Variants in DCLK1 observed in about 807,000 individuals in gnomAD.
DCLK1 encodes doublecortin like kinase 1.
Under a neutral mutation model 86.2 loss-of-function variants are expected in DCLK1, and 16 were observed. The ratio of observed to expected loss-of-function variants is 0.19; its 90% CI spans 0.13 to 0.28. DCLK1 has a LOEUF of 0.28. DCLK1 is among the 10% of genes least tolerant of loss of function. The pLI, the probability that DCLK1 is intolerant of heterozygous loss-of-function variation, is 1.00. For missense variants in DCLK1, 590 were observed against 940.2 expected (o/e 0.63, Z 4.87); for synonymous variants, 369 against 370.5 (o/e 1.00, Z 0.05).
At chr13:36,074,729 G>A (rs1884121159) in intron 3 of DCLK1, among the ~76,000 whole-genome samples, 1 of 152,168 alleles carries the variant, frequency 6.6e-6, no homozygotes, top group South Asian at 2.1e-4. Context: ...TAATCCTTCA[G>A]GCTGAAAATC....
At chr13:36,070,343 A>ATG (rs753677286) in intron 3 of DCLK1, among the ~76,000 whole-genome samples, 2 of 152,214 alleles carry the variant, frequency 1.3e-5, no homozygotes, top group African/African-American at 2.4e-5. Context: ...AAAAGGGCTG[A>ATG]GTACTCTATA....
intron 3 of DCLK1, among the ~76,000 whole-genome samples, chr13:35,964,098 T>G (rs1398949018): frequency 6.6e-6 from 1 of 152,194 alleles, no homozygotes; most frequent in Non-Finnish European, 1.5e-5. Context: ...TAAAACTACT[T>G]TAAAAATGCA....
rs190349445 is a variant in DCLK1 at position 35,801,372 on chromosome 13, G to A, written c.1944+4327C>T. On this transcript the variant is annotated intron_variant, in intron 15 of 16. Transcript: ENST00000360631. The stretch of plus-strand genomic sequence containing the variant: ...TTATTTTCAGATGAAGAAAAAATCC[G>A]TTTTCTGATTTAGTTACTTCATAAA... 7.2e-3 allele frequency among the ~76,000 whole-genome samples: 1,098 copies of A among 152,146 alleles called. 5 individuals carry two copies. The highest frequency in any genetic ancestry group is 0.013 in the South Asian group (62 of 4,824).
At chr13:36,023,456 G>C (rs904116424) in intron 3 of DCLK1, among the ~76,000 whole-genome samples, 12 of 152,232 alleles carry the variant, frequency 7.9e-5, no homozygotes, top group Admixed American at 4.6e-4. Context: ...AGACCCTCTT[G>C]CTCAAGAAGG....
intron 3 of DCLK1, among the ~76,000 whole-genome samples, chr13:36,099,669 A>G (rs368567983): frequency 6.6e-6 from 1 of 152,204 alleles, no homozygotes; most frequent in Non-Finnish European, 1.5e-5. Flanking sequence ...ATTAAAAGAC[A>G]TTTATGTTAA....
intron 3 of DCLK1, among the ~76,000 whole-genome samples, chr13:36,017,930 G>A (rs1881608436): frequency 1.3e-5 from 2 of 152,292 alleles, no homozygotes; most frequent in East Asian, 1.9e-4. Context: ...CATCTGTGGC[G>A]AGAAGATTCA....
intron 3 of DCLK1, among the ~76,000 whole-genome samples, chr13:36,023,890 T>C (rs1187595005): frequency 6.8e-5 from 4 of 59,234 alleles, no homozygotes; most frequent in Non-Finnish European, 9.2e-5. Flanking sequence ...TCCTCATTTC[T>C]TTCTTTCTTT....
At chr13:35,954,826 T>C (rs561775283) in intron 3 of DCLK1, among the ~76,000 whole-genome samples, 1 of 152,128 alleles carries the variant, frequency 6.6e-6, no homozygotes, top group African/African-American at 2.4e-5. Flanking sequence ...AACATGAAGC[T>C]CTAAGACTTT....
At chr13:35,918,909 T>TTTTTTTTTTTTTTC (rs58593783) in intron 4 of DCLK1, among the ~76,000 whole-genome samples, 1 of 146,112 alleles carries the variant, frequency 6.8e-6, no homozygotes, top group Non-Finnish European at 1.5e-5. Flanking sequence ...TTTTTTTTTT[T>TTTTTTTTTTTTTTC]GGAAACGGAG....
At chr13:35,814,263 G>A (rs139593135) in intron 11 of DCLK1, among the ~76,000 whole-genome samples, 113 of 152,210 alleles carry the variant, frequency 7.4e-4, no homozygotes, top group African/African-American at 2.4e-3. Context: ...GCCTGCACGC[G>A]CGCACACACG....
intron 3 of DCLK1, among the ~76,000 whole-genome samples, chr13:35,985,074 G>A (rs1004181890): frequency 1.3e-5 from 2 of 152,182 alleles, no homozygotes; most frequent in Non-Finnish European, 2.9e-5. Context: ...CAATCCACAT[G>A]TGAGTGTGTG....
rs1197290885 is a variant in DCLK1 at position 36,013,603 on chromosome 13, G to A, written c.724-66146C>T. On this transcript the variant is annotated intron_variant, in intron 3 of 16. Transcript: ENST00000360631. ...TGCCCGTTCTCAGATCTCCAGCTGC[G>A]TGCTGGGAGAACCACTGCTCTCTTC... Among the ~76,000 whole-genome samples the A allele has an allele frequency of 2.2e-4, 33 of 152,156 alleles. No homozygotes were observed. In the East Asian group the frequency reaches 2.7e-3, roughly 13 times the overall value.
intron 3 of DCLK1, among the ~76,000 whole-genome samples, chr13:36,025,590 A>G (rs1012682189): frequency 4.6e-5 from 7 of 152,234 alleles, no homozygotes; most frequent in African/African-American, 1.7e-4. Flanking sequence ...ACATGAACGC[A>G]TCATGAAAAC....
intron 4 of DCLK1, among the ~76,000 whole-genome samples, chr13:35,900,916 G>A (rs1874315932): frequency 6.6e-6 from 1 of 152,072 alleles, no homozygotes; most frequent in South Asian, 2.1e-4. Flanking sequence ...ATAAGAACAG[G>A]GAACTTTATG....
chr13:36,053,643 A>T (rs1354833730), intron 3 of DCLK1, among the ~76,000 whole-genome samples: 1 of 151,478 alleles, frequency 6.6e-6, no homozygotes, highest in African/African-American at 2.4e-5. Flanking sequence ...ATATATATAA[A>T]TTATATGTAT....
At chr13:35,923,830 T>C (rs1875946492) in intron 4 of DCLK1, among the ~76,000 whole-genome samples, 1 of 152,134 alleles carries the variant, frequency 6.6e-6, no homozygotes, top group African/African-American at 2.4e-5. Flanking sequence ...TGGGGGTCTG[T>C]TAGCCCTTGC....
chr13:35,941,940 T>G (rs1195047926), intron 4 of DCLK1, among the ~76,000 whole-genome samples: 3 of 152,216 alleles, frequency 2.0e-5, no homozygotes, highest in Non-Finnish European at 4.4e-5. Flanking sequence ...CACGTGCTGC[T>G]GTGAAAACGA....
intron 3 of DCLK1, among the ~76,000 whole-genome samples, chr13:35,958,807 G>A (rs1229449521): frequency 6.6e-6 from 1 of 152,160 alleles, no homozygotes; most frequent in African/African-American, 2.4e-5. Context: ...AGCTACTAAA[G>A]ACATTTACAT....
At chr13:35,909,804 G>A (rs1427561437) in intron 4 of DCLK1, among the ~76,000 whole-genome samples, 1 of 151,864 alleles carries the variant, frequency 6.6e-6, no homozygotes, top group East Asian at 1.9e-4. Flanking sequence ...TACTAGAAAG[G>A]GTGAAATGAC....
Sources: allele counts gnomAD v4.1 joint callset (sites outside exome capture counted in the v4.1 genomes callset), GRCh38; gene constraint gnomAD v4.1.1; transcripts MANE v1.5; gene names NCBI Gene and HGNC (gene_info 2026-07-23, HGNC 2026-07-21).